GDPGP1: variants seen among roughly 807,000 people sequenced by gnomAD.
The protein encoded by GDPGP1 is GDP-D-glucose phosphorylase 1, also known as GDP-D-glucose phosphorylase C15orf58.
Under a neutral mutation model 19.2 loss-of-function variants are expected in GDPGP1, and 18 were observed. The ratio of observed to expected loss-of-function variants is 0.94; its 90% CI spans 0.65 to 1.39. GDPGP1 has a LOEUF of 1.39. GDPGP1 is among the 40% of genes most tolerant of loss of function. The probability of loss-of-function intolerance (pLI) is 0.00; values close to 1 mark genes in which losing one functional copy is unlikely to be tolerated. For missense variants in GDPGP1, 449 were observed against 490.5 expected, an observed-to-expected ratio of 0.92 and a Z score of 0.80; for synonymous variants, 219 against 208.9, an observed-to-expected ratio of 1.05 and a Z score of -0.42.
chr15:90,244,311 T>C lies in GDPGP1; in HGVS notation c.*2245T>C, dbSNP rs1962823824. 6.6e-6 allele frequency: 1 copy of C among 152,254 alleles called. No individual in the cohort carries two copies. Among genetic ancestry groups the C allele is most frequent in the Non-Finnish European group, 1.5e-5 (1 of 68,098 alleles). The allele number at this position is 152,254 out of a possible 1,614,324, so 9.4% of individuals were successfully genotyped here. On this transcript the variant is annotated 3_prime_UTR_variant, in exon 4 of 4. Coordinates refer to ENST00000329600, the MANE Select transcript of GDPGP1 (RefSeq NM_001013657.3). ...AGCACTTTAGAAGCTCCTCTTGATG[T>C]AGACACAAAATCCAAAGCTAAGTCG...
At chr15:90,238,161 G>A (rs572673929) in intron 2 of GDPGP1, among the ~76,000 whole-genome samples, 33 of 152,220 alleles carry the variant, frequency 2.2e-4, no homozygotes, top group Non-Finnish European at 3.5e-4. Context: ...TTAGCCGGGC[G>A]TGGTGACACA....
chr15:90,239,989 C>T (rs1450734442), intron 3 of GDPGP1, among the ~76,000 whole-genome samples: 2 of 151,934 alleles, frequency 1.3e-5, no homozygotes, highest in African/African-American at 4.8e-5. Flanking sequence ...TTTGGGAAGC[C>T]GAGGTGGGTG....
chr15:90,236,337 A>G (rs1048416069), intron 2 of GDPGP1, among the ~76,000 whole-genome samples: 2 of 152,146 alleles, frequency 1.3e-5, no homozygotes, highest in Admixed American at 6.5e-5. Flanking sequence ...GCACCCAGCC[A>G]TAAGTATCTC....
rs56238341 is a variant in GDPGP1 at position 90,244,314 on chromosome 15, A to G, written c.*2248A>G. The G allele has an allele frequency of 0.045, 6,894 of 152,226 alleles. 497 individuals are homozygous for G. Among genetic ancestry groups the G allele is most frequent in the African/African-American group, 0.15 (6,348 of 41,488 alleles). 9.4% of individuals were successfully genotyped at this position (152,226 alleles called of 1,614,324 possible). A position where few individuals can be genotyped will look rare whatever the true frequency, so the allele number is the denominator to read the frequency against. ...ACTTTAGAAGCTCCTCTTGATGTAGACACAAAATCCAAAGCTAAGTCGTTG... is the reference window on the plus strand; with the variant it reads ...ACTTTAGAAGCTCCTCTTGATGTAGGCACAAAATCCAAAGCTAAGTCGTTG... On this transcript the variant is annotated 3_prime_UTR_variant, in exon 4 of 4. Coordinates refer to ENST00000329600, the MANE Select transcript of GDPGP1 (RefSeq NM_001013657.3).
intron 2 of GDPGP1, among the ~76,000 whole-genome samples, chr15:90,237,701 CT>C (rs796751840): frequency 3.2e-4 from 49 of 152,068 alleles, no homozygotes; most frequent in African/African-American, 9.9e-4. Flanking sequence ...AAGATTATCT[CT>C]TTTTTTTCTC....
chr15:90,235,708 C>T (rs1962620480), intron 2 of GDPGP1, among the ~76,000 whole-genome samples: 2 of 151,826 alleles, frequency 1.3e-5, no homozygotes, highest in South Asian at 4.2e-4. Context: ...GCTGGGACTA[C>T]AGGCACCCGC....
At position 90,241,270 on chromosome 15, in the gene GDPGP1, C is replaced by G. The variant is rs781594391; in HGVS notation, c.362C>G (p.Pro121Arg). The G allele has an allele frequency of 1.9e-6, 3 of 1,614,066 alleles. No individual in the cohort carries two copies. In the African/African-American group the frequency reaches 4.0e-5, roughly 22 times the overall value. Residue 121 changes from proline to arginine, a missense_variant, in exon 4 of 4, where the codon CCT (proline) becomes CGT (arginine). Physicochemically the swap from Pro to Arg is moderately radical, Grantham distance 103. Coordinates refer to ENST00000329600, the MANE Select transcript of GDPGP1 (RefSeq NM_001013657.3). ...AAGAGTGTGAGGCAGGCATTTGACCCTGTACAGTTCAACTTCAACAAGATC... is the reference window on the plus strand; with the variant it reads ...AAGAGTGTGAGGCAGGCATTTGACCGTGTACAGTTCAACTTCAACAAGATC... ...TIKSVRQAFD[P>R]VQFNFNKIRP...
At chr15:90,239,564 G>T (rs138999593) in intron 3 of GDPGP1, among the ~76,000 whole-genome samples, 3,676 of 152,164 alleles carry the variant, frequency 0.024, 141 homozygotes, top group African/African-American at 0.08. Context: ...TCAGATCTCA[G>T]GAGAACTCAC....
chr15:90,241,603 A>G lies in GDPGP1; in HGVS notation c.695A>G (p.Gln232Arg), dbSNP rs1238084128. 6.2e-7 allele frequency: 1 copy of G among 1,613,726 alleles called. No individual in the cohort carries two copies. Among genetic ancestry groups the G allele is most frequent in the African/African-American group, 1.3e-5 (1 of 74,940 alleles). ...CTGGCCCACAGACTGCCCGTGGAGC[A>G]GGCGCCAAGCGAGCCCCTGGACCCT... Reference protein sequence around the residue: ...YYLAHRLPVEQAPSEPLDPGG... With the variant: ...YYLAHRLPVERAPSEPLDPGG... Residue 232 changes from glutamine (Q) to arginine (R), a missense_variant, in exon 4 of 4, where the codon CAG (glutamine) becomes CGG (arginine). Transcript: ENST00000329600.
In GDPGP1 at chr15:90,241,177, G is replaced by A. The variant is rs371869573; in HGVS notation, c.269G>A (p.Gly90Asp). 8.3e-5 allele frequency: 134 copies of A among 1,614,100 alleles called. No individual in the cohort carries two copies. Among genetic ancestry groups the A allele is most frequent in the Non-Finnish European group, 1.1e-4 (130 of 1,180,058 alleles). Residue 90 changes from glycine (G) to aspartate (D), a missense_variant, in exon 4 of 4, where the codon GGT becomes GAT. Transcript: ENST00000329600. ...LRELQTQILP[G>D]AVGFVAQLNV... ...GAGCTACAGACCCAAATCCTCCCTG[G>A]TGCTGTGGGTTTCGTGGCTCAGCTG...
rs1447726677 is a variant in GDPGP1, at chr15:90,243,175, CTTTGCTCACCACTTAT to C, written c.*1113_*1128del. 2 of 152,190 alleles carry C rather than the reference CTTTGCTCACCACTTAT, an allele frequency of 1.3e-5. No individual in the cohort carries two copies. Among genetic ancestry groups the C allele is most frequent in the African/African-American group, 4.8e-5 (2 of 41,446 alleles). 9.4% of individuals were successfully genotyped at this position (152,190 alleles called of 1,614,324 possible). A position where few individuals can be genotyped will look rare whatever the true frequency, so the allele number is the denominator to read the frequency against. ...TTCTGTTCTCAGCCTGTTTATTCCCCTTTGCTCACCACTTATTTTTATTGCTTTGTCCCTTCTTTCC... is the reference window on the plus strand; with the variant it reads ...TTCTGTTCTCAGCCTGTTTATTCCCCTTTTATTGCTTTGTCCCTTCTTTCC... On this transcript the variant is annotated 3_prime_UTR_variant, in exon 4 of 4. Transcript: ENST00000329600.
Position 90,241,322 on chromosome 15 carries a change from G to A in GDPGP1, c.414G>A (p.Leu138=), listed in dbSNP as rs565450447. 30 of 1,614,192 alleles carry A rather than the reference G, an allele frequency of 1.9e-5. No individual in the cohort carries two copies. In the East Asian group the frequency reaches 5.3e-4, roughly 29 times the overall value. The change falls in exon 4 of 4, where the codon TTG becomes TTA. Residue 138 remains leucine, a synonymous_variant. Coordinates refer to ENST00000329600, the MANE Select transcript of GDPGP1 (RefSeq NM_001013657.3). ...GGCCCGGAGAAGTCCTCTTCCGTTT[G>A]CACCGGGAGCCTGATCTCCCTGGGA... The part of the protein sequence containing the change: ...KIRPGEVLFR[L]HREPDLPGTL...
intron 2 of GDPGP1, 26 bp from the exon 3 acceptor site, chr15:90,238,466 T>G (rs942841339): frequency 6.6e-6 from 1 of 152,262 alleles, no homozygotes; most frequent in Non-Finnish European, 1.5e-5. Context: ...TATGTTTTGT[T>G]TCCTTTCTGT....
In GDPGP1 at chr15:90,243,658, T is replaced by TGG. The variant is rs1567074027; in HGVS notation, c.*1592_*1593insGG. ...GGTGCAGGTTTTTTTTTTTTTTTTTTTTTTTTTTTTTTGACACAGGGTCAC... is the reference window on the plus strand; with the variant it reads ...GGTGCAGGTTTTTTTTTTTTTTTTTTGGTTTTTTTTTTTTGACACAGGGTCAC... On this transcript the variant is annotated 3_prime_UTR_variant, in exon 4 of 4. Coordinates refer to ENST00000329600, the MANE Select transcript of GDPGP1 (RefSeq NM_001013657.3). 1.0e-5 allele frequency: 1 copy of TGG among 95,366 alleles called. No homozygotes were observed. Among genetic ancestry groups the TGG allele is most frequent in the African/African-American group, 3.2e-5 (1 of 31,590 alleles). 5.9% of individuals were successfully genotyped at this position (95,366 alleles called of 1,614,324 possible).
rs779887210 is a variant in GDPGP1 at position 90,241,511 on chromosome 15, C to T, written c.603C>T (p.Phe201=). 1.9e-6 allele frequency: 3 copies of T among 1,613,730 alleles called. No homozygotes were observed. Among genetic ancestry groups the T allele is most frequent in the South Asian group, 1.1e-5 (1 of 91,084 alleles). Residue 201 remains phenylalanine, a synonymous_variant, in exon 4 of 4, where the codon TTC becomes TTT. Coordinates refer to ENST00000329600, the MANE Select transcript of GDPGP1 (RefSeq NM_001013657.3). ...EAVLLSLHPG[F]RVGFNSLGGL... ...TGCTGCTGAGCTTACACCCGGGCTT[C>T]CGTGTCGGCTTCAACAGCCTGGGAG...
At chr15:90,234,443 T>C (rs1430036141) in intron 1 of GDPGP1, 79 bp from the exon 2 acceptor site, 1 of 152,288 alleles carries the variant, frequency 6.6e-6, no homozygotes, top group Non-Finnish European at 1.5e-5. Context: ...CTAGATGTTA[T>C]CATCAGGCAA....
Position 90,241,727 on chromosome 15 carries a change from A to G in GDPGP1, c.819A>G (p.Val273=), listed in dbSNP as rs780900707. The G allele has an allele frequency of 4.3e-6, 7 of 1,614,228 alleles. No individual in the cohort carries two copies. Among genetic ancestry groups the G allele is most frequent in the Non-Finnish European group, 5.9e-6 (7 of 1,180,032 alleles). ...GPDLESLISR[V]CRATDYLTDH... Reference sequence around the variant, plus strand: ...ACTTGGAGTCCTTGATAAGCAGGGTATGTCGGGCCACTGATTATCTGACTG... The same window carrying G: ...ACTTGGAGTCCTTGATAAGCAGGGTGTGTCGGGCCACTGATTATCTGACTG... The change falls in exon 4 of 4, where the codon GTA becomes GTG. Residue 273 remains valine (V), a synonymous_variant. Coordinates refer to ENST00000329600, the MANE Select transcript of GDPGP1 (RefSeq NM_001013657.3).
rs78020548 is a variant in GDPGP1, at chr15:90,234,799, C to T, written c.-67+203C>T. On this transcript the variant is annotated intron_variant, in intron 2 of 3. Transcript: ENST00000329600. ...ACTGCTGACCCTTTGCTCTTGTCCC[C>T]TCTTAACCTCTAGGATAATGTTTGG... Among the ~76,000 whole-genome samples, 166 of 152,286 alleles carry T rather than the reference C, an allele frequency of 1.1e-3. 2 individuals are homozygous for T. The East Asian group carries it at 0.031, about 28-fold the overall frequency.
At chr15:90,235,901 T>C (rs958541850) in intron 2 of GDPGP1, among the ~76,000 whole-genome samples, 6 of 152,022 alleles carry the variant, frequency 3.9e-5, no homozygotes, top group Non-Finnish European at 7.4e-5. Context: ...GCTCTTTCTG[T>C]CCGAGAAAGA....
Sources: allele counts gnomAD v4.1 joint callset (sites outside exome capture counted in the v4.1 genomes callset), GRCh38; gene constraint gnomAD v4.1.1; transcripts MANE v1.5; gene names NCBI Gene and HGNC (gene_info 2026-07-23, HGNC 2026-07-21).